TTC7B: variants seen among roughly 807,000 people sequenced by gnomAD.
TTC7B encodes the protein tetratricopeptide repeat protein 7B.
Under a neutral mutation model 106.8 loss-of-function variants are expected in TTC7B, and 28 were observed. The ratio of observed to expected loss-of-function variants is 0.26; its 90% confidence interval spans 0.19 to 0.36. The LOEUF is 0.36. Among genes scored for constraint, TTC7B ranks in the 10% least tolerant of loss-of-function variants. The pLI is 1.00. For missense variants in TTC7B, 862 were observed against 1,076.4 expected, an observed-to-expected ratio of 0.80 and a Z score of 2.79; for synonymous variants, 405 against 430.6, an observed-to-expected ratio of 0.94 and a Z score of 0.74.
At chr14:90,768,060 C>A (rs923654660) in intron 3 of TTC7B, among the ~76,000 whole-genome samples, 5 of 152,146 alleles carry the variant, frequency 3.3e-5, no homozygotes, top group Non-Finnish European at 5.9e-5. Flanking sequence ...TTAAAAGCAA[C>A]AAGAAGCAAC....
At chr14:90,598,070 G>A (rs574452214) in intron 17 of TTC7B, among the ~76,000 whole-genome samples, 10 of 152,310 alleles carry the variant, frequency 6.6e-5, no homozygotes, top group African/African-American at 2.4e-4. Flanking sequence ...AAGAGGTCCC[G>A]CCACTGCCAG....
chr14:90,674,412 T>C (rs1277814325), intron 9 of TTC7B, among the ~76,000 whole-genome samples: 2 of 152,244 alleles, frequency 1.3e-5, no homozygotes, highest in Admixed American at 1.3e-4. Context: ...GACAACACAG[T>C]TGGTGAATGC....
chr14:90,789,132 G>T (rs947562589), intron 1 of TTC7B, among the ~76,000 whole-genome samples: 170 of 151,900 alleles, frequency 1.1e-3, no homozygotes, highest in African/African-American at 4.0e-3. Flanking sequence ...ACAGAGTTTC[G>T]CTCTTGTCGC....
At chr14:90,560,327 A>T (rs1176063988) in intron 19 of TTC7B, among the ~76,000 whole-genome samples, 1 of 152,200 alleles carries the variant, frequency 6.6e-6, no homozygotes. Context: ...AGAGGAAGGG[A>T]CATACTGGCA....
chr14:90,632,624 G>A (rs74862677), intron 15 of TTC7B, among the ~76,000 whole-genome samples: 5,182 of 152,260 alleles, frequency 0.034, 111 homozygotes, highest in Non-Finnish European at 0.048. Context: ...CCAACATCTA[G>A]CATGGCCCCT....
At chr14:90,587,208 A>C (rs548844000) in intron 18 of TTC7B, among the ~76,000 whole-genome samples, 1 of 152,092 alleles carries the variant, frequency 6.6e-6, no homozygotes, top group East Asian at 1.9e-4. Flanking sequence ...CAATCCTCCC[A>C]CCTCAGCCTC....
At chr14:90,645,991 G>A (rs1407136584) in intron 14 of TTC7B, among the ~76,000 whole-genome samples, 3 of 152,184 alleles carry the variant, frequency 2.0e-5, no homozygotes, top group Admixed American at 6.5e-5. Context: ...AGCTGTCAGC[G>A]TAGGGGAGAG....
intron 15 of TTC7B, among the ~76,000 whole-genome samples, chr14:90,637,634 G>A (rs936364407): frequency 6.6e-6 from 1 of 152,072 alleles, no homozygotes; most frequent in Non-Finnish European, 1.5e-5. Flanking sequence ...TAAGTAAAGT[G>A]AATCCATAAA....
At chr14:90,806,063 G>A (rs2030586820) in intron 1 of TTC7B, among the ~76,000 whole-genome samples, 1 of 152,206 alleles carries the variant, frequency 6.6e-6, no homozygotes, top group Non-Finnish European at 1.5e-5. Flanking sequence ...CAACAATTCC[G>A]TTTCATTGAA....
chr14:90,606,274 G>A lies in TTC7B; in HGVS notation c.1966+4468C>T, dbSNP rs543897639. 5.3e-5 allele frequency among the ~76,000 whole-genome samples: 8 copies of A among 152,290 alleles called. No homozygotes were observed. In the East Asian group the frequency reaches 1.3e-3, roughly 26 times the overall value. On this transcript the variant is annotated intron_variant, in intron 17 of 19. Coordinates refer to ENST00000328459, the MANE Select transcript of TTC7B (RefSeq NM_001010854.2). ...AAGCTTTCTGGGGTGGCCTATGGTT[G>A]GGGTGTGCTGGTTGGGCACTTTGGG...
At chr14:90,652,734 G>T in intron 13 of TTC7B, 107 bp downstream of exon 13, 1 of 1,295,770 alleles carries the variant, frequency 7.7e-7, no homozygotes, top group Non-Finnish European at 1.1e-6. Flanking sequence ...AGACTCTCAG[G>T]GGTAAAACAC....
chr14:90,814,881 CT>C (rs1171190922), intron 1 of TTC7B, among the ~76,000 whole-genome samples: 1 of 150,320 alleles, frequency 6.7e-6, no homozygotes, highest in Admixed American at 6.6e-5. Flanking sequence ...CTCCATGCCC[CT>C]GACACACCAT....
At chr14:90,698,543 C>A (rs1309989384) in intron 5 of TTC7B, 1 of 152,196 alleles carries the variant, frequency 6.6e-6, no homozygotes, top group African/African-American at 2.4e-5. Flanking sequence ...TGAGAGAGTG[C>A]AATGATGTCA....
At chr14:90,584,588 C>T (rs960918860) in intron 18 of TTC7B, among the ~76,000 whole-genome samples, 4 of 152,180 alleles carry the variant, frequency 2.6e-5, no homozygotes, top group African/African-American at 4.8e-5. Flanking sequence ...GGACATCTTT[C>T]GGAAACGCAC....
At chr14:90,574,858 T>G (rs1891193208) in intron 19 of TTC7B, among the ~76,000 whole-genome samples, 1 of 152,166 alleles carries the variant, frequency 6.6e-6, no homozygotes, top group Admixed American at 6.5e-5. Context: ...GCAAGCACAC[T>G]TTCTACCCTC....
At chr14:90,599,027 T>C (rs1023840675) in intron 17 of TTC7B, among the ~76,000 whole-genome samples, 27 of 152,262 alleles carry the variant, frequency 1.8e-4, no homozygotes, top group Non-Finnish European at 1.3e-4. Context: ...GGCGGGTGCC[T>C]GTAATCCCAG....
rs1294966734 is a variant in TTC7B, at chr14:90,534,502, G to C, written c.*6866C>G. The C allele has an allele frequency of 1.3e-5, 2 of 152,480 alleles. No homozygotes were observed. Among genetic ancestry groups the C allele is most frequent in the African/African-American group, 4.8e-5 (2 of 41,468 alleles). 9.4% of individuals were successfully genotyped at this position (152,480 alleles called of 1,614,324 possible). A position where few individuals can be genotyped will look rare whatever the true frequency, so the allele number is the denominator to read the frequency against. ...GGGGAGGGATGGGAGCAGCCACCTG[G>C]TACAGTGCCCAAGACACAGTTTACA... is the stretch of plus-strand genomic sequence containing the variant. On this transcript the variant is annotated 3_prime_UTR_variant, in exon 20 of 20. Transcript: ENST00000328459.
intron 19 of TTC7B, among the ~76,000 whole-genome samples, chr14:90,576,241 C>T (rs563788897): frequency 5.9e-5 from 9 of 152,004 alleles, no homozygotes; most frequent in East Asian, 5.8e-4. Flanking sequence ...TGGGACATGG[C>T]GGGGATTGTA....
At chr14:90,786,431 C>A in intron 1 of TTC7B, 103 bp from the exon 2 acceptor site, 3 of 1,414,454 alleles carry the variant, frequency 2.1e-6, no homozygotes, top group Non-Finnish European at 2.9e-6. Flanking sequence ...AGGCTCCAGG[C>A]CCCCAGCAAG....
Sources: allele counts gnomAD v4.1 joint callset (sites outside exome capture counted in the v4.1 genomes callset), GRCh38; gene constraint gnomAD v4.1.1; transcripts MANE v1.5; gene names NCBI Gene and HGNC (gene_info 2026-07-23, HGNC 2026-07-21).